Variants in R3HDM2 observed in about 807,000 individuals in gnomAD.
R3HDM2 encodes R3H domain-containing protein 2.
Under a neutral mutation model 124.5 loss-of-function variants are expected in R3HDM2, and 38 were observed. The ratio of observed to expected loss-of-function variants is 0.31; its 90% CI spans 0.24 to 0.40. The LOEUF is 0.40. Among genes scored for constraint, R3HDM2 ranks in the 10% least tolerant of loss-of-function variants. The pLI is 1.00. For missense variants in R3HDM2, 869 were observed against 1,236.9 expected (o/e 0.70, Z 4.46); for synonymous variants, 391 against 448.0 (o/e 0.87, Z 1.61).
At chr12:57,402,589 C>T (rs968380111) in intron 1 of R3HDM2, among the ~76,000 whole-genome samples, 37 of 151,486 alleles carry the variant, frequency 2.4e-4, no homozygotes, top group Non-Finnish European at 2.7e-4. Context: ...ACCAAAATGG[C>T]GAAACCCCAT....
At chr12:57,303,317 C>T (rs1437320750) in intron 3 of R3HDM2, 100 bp from the exon 4 acceptor site, 2 of 1,089,530 alleles carry the variant, frequency 1.8e-6, no homozygotes, top group Non-Finnish European at 2.7e-6. Flanking sequence ...ACTGTAAAAA[C>T]CATTACAACA....
At chr12:57,386,306 G>C (rs1178330568) in intron 2 of R3HDM2, among the ~76,000 whole-genome samples, 4 of 152,230 alleles carry the variant, frequency 2.6e-5, no homozygotes, top group African/African-American at 9.6e-5. Context: ...GCGGGGAGGT[G>C]TGGACGGAGA....
At chr12:57,419,161 T>G (rs1487174604) in intron 1 of R3HDM2, among the ~76,000 whole-genome samples, 1 of 150,792 alleles carries the variant, frequency 6.6e-6, no homozygotes, top group African/African-American at 2.4e-5. Flanking sequence ...TTTTTTTTTT[T>G]GATACGGATT....
At chr12:57,385,872 A>G (rs1239074041) in intron 2 of R3HDM2, among the ~76,000 whole-genome samples, 1 of 152,208 alleles carries the variant, frequency 6.6e-6, no homozygotes, top group Non-Finnish European at 1.5e-5. Context: ...TCAGAGTAGT[A>G]GTAAAACCCT....
chr12:57,415,877 C>A (rs1654767888), intron 1 of R3HDM2, among the ~76,000 whole-genome samples: 1 of 151,902 alleles, frequency 6.6e-6, no homozygotes, highest in Non-Finnish European at 1.5e-5. Context: ...ACAAAAAAAA[C>A]AGAAGAGAAC....
At chr12:57,378,675 T>C (rs1368495145) in intron 2 of R3HDM2, among the ~76,000 whole-genome samples, 1 of 152,160 alleles carries the variant, frequency 6.6e-6, no homozygotes, top group African/African-American at 2.4e-5. Flanking sequence ...ACCCAGCCTA[T>C]TTTTCATTCT....
chr12:57,273,924 T>C (rs918381815), intron 14 of R3HDM2, among the ~76,000 whole-genome samples: 2 of 152,154 alleles, frequency 1.3e-5, no homozygotes, highest in African/African-American at 4.8e-5. Context: ...AATAATTAGG[T>C]AAAATTATTG....
At chr12:57,256,236 C>T (rs1352295727) in intron 22 of R3HDM2, 162 bp from the exon 23 acceptor site, 3 of 881,892 alleles carry the variant, frequency 3.4e-6, no homozygotes, top group Non-Finnish European at 5.3e-6. Flanking sequence ...ACAAAGAGCC[C>T]CTCCCTCTTG....
In R3HDM2 at chr12:57,282,168, G is replaced by A. The variant is rs554513817; in HGVS notation, c.1172-1638C>T. Among the ~76,000 whole-genome samples, 9 of 152,064 alleles carry A rather than the reference G, an allele frequency of 5.9e-5. No individual in the cohort carries two copies. In the East Asian group the frequency reaches 7.8e-4, roughly 13 times the overall value. On this transcript the variant is annotated intron_variant, in intron 13 of 23. Coordinates refer to ENST00000402412, the MANE Select transcript of R3HDM2 (RefSeq NM_001394031.1). ...CTACTAAAAATACAAAAAATTAGCC[G>A]GCCGTGGTGGCGGGTGCCTGTGATC...
At chr12:57,364,814 G>A (rs1036708641) in intron 2 of R3HDM2, among the ~76,000 whole-genome samples, 6 of 151,816 alleles carry the variant, frequency 4.0e-5, no homozygotes, top group East Asian at 3.9e-4. Flanking sequence ...TTAGCCGGGC[G>A]TGGTGGCAGG....
chr12:57,414,965 C>T (rs772089884), intron 1 of R3HDM2, among the ~76,000 whole-genome samples: 45 of 152,096 alleles, frequency 3.0e-4, no homozygotes, highest in Non-Finnish European at 5.4e-4. Flanking sequence ...ACAAAGTGAG[C>T]GCAGAACCCC....
At chr12:57,375,114 G>A (rs994957309) in intron 2 of R3HDM2, among the ~76,000 whole-genome samples, 1 of 150,202 alleles carries the variant, frequency 6.7e-6, no homozygotes, top group Non-Finnish European at 1.5e-5. Flanking sequence ...TTTATGTGAC[G>A]AAGAAATAAT....
Position 57,254,501 on chromosome 12 carries a change from CAAAAAAA to C in R3HDM2, c.*265_*271del. 28 of 98,908 alleles carry C rather than the reference CAAAAAAA, an allele frequency of 2.8e-4. No individual in the cohort carries two copies. Among genetic ancestry groups the C allele is most frequent in the South Asian group, 6.6e-4 (4 of 6,074 alleles). 6.1% of individuals were successfully genotyped at this position (98,908 alleles called of 1,614,324 possible). On this transcript the variant is annotated 3_prime_UTR_variant, in exon 24 of 24. Transcript: ENST00000402412. Reference sequence around the variant, plus strand: ...GGGTGACAAGAGCGAAACTCCGTCTCAAAAAAAAAAAAAAAAAAAAAAAGAAGAGGAT... The same window carrying C: ...GGGTGACAAGAGCGAAACTCCGTCTCAAAAAAAAAAAAAAAAGAAGAGGAT...
intron 1 of R3HDM2, among the ~76,000 whole-genome samples, chr12:57,410,630 A>T (rs1181724388): frequency 2.6e-5 from 4 of 152,208 alleles, no homozygotes; most frequent in Non-Finnish European, 4.4e-5. Flanking sequence ...AGGCAGGAAG[A>T]TCGCCTGAGG....
At chr12:57,291,354 T>C (rs952003236) in intron 11 of R3HDM2, among the ~76,000 whole-genome samples, 3 of 151,968 alleles carry the variant, frequency 2.0e-5, no homozygotes, top group African/African-American at 7.2e-5. Flanking sequence ...AGTATATTGA[T>C]TAAAACTGAC....
chr12:57,260,837 A>G (rs2040614108), intron 19 of R3HDM2, among the ~76,000 whole-genome samples: 1 of 152,070 alleles, frequency 6.6e-6, no homozygotes, highest in East Asian at 1.9e-4. Flanking sequence ...CTGGGAAGTG[A>G]GCGTGATTGT....
At chr12:57,403,014 C>T (rs192973395) in intron 1 of R3HDM2, among the ~76,000 whole-genome samples, 1 of 152,122 alleles carries the variant, frequency 6.6e-6, no homozygotes, top group East Asian at 1.9e-4. Context: ...CTGGTAATAA[C>T]AGTTGCCTCT....
chr12:57,422,160 A>G (rs1219846279), intron 1 of R3HDM2, among the ~76,000 whole-genome samples: 2 of 151,474 alleles, frequency 1.3e-5, no homozygotes, highest in Non-Finnish European at 2.9e-5. Context: ...TGACTACTTT[A>G]GACCCTATTT....
chr12:57,335,409 T>C (rs887504486), intron 2 of R3HDM2, among the ~76,000 whole-genome samples: 24 of 151,512 alleles, frequency 1.6e-4, no homozygotes, highest in African/African-American at 5.6e-4. Context: ...GGTTTCACCA[T>C]GTTGGCCAGG....
Sources: gnomAD v4.1 joint callset for allele counts (sites outside exome capture counted in the v4.1 genomes callset) on GRCh38, gnomAD v4.1.1 for gene constraint, MANE v1.5 for transcripts, NCBI Gene and HGNC (gene_info 2026-07-23, HGNC 2026-07-21) for gene names.